Variants in CDH2 observed in about 807,000 individuals in gnomAD.
CDH2 encodes cadherin-2.
In CDH2, 17 loss-of-function variants were observed where a neutral mutation model predicts 92.0. That is an observed-to-expected ratio of 0.18 (90% CI 0.13 to 0.28). The LOEUF is 0.28. Among genes scored for constraint, CDH2 ranks in the 10% least tolerant of loss-of-function variants. The pLI is 1.00. For synonymous variants in CDH2, 419 were observed against 415.9 expected, an observed-to-expected ratio of 1.01 and a Z score of -0.09; for missense variants, 862 against 1,133.1, an observed-to-expected ratio of 0.76 and a Z score of 3.44.
intron 14 of CDH2, among the ~76,000 whole-genome samples, chr18:27,972,266 T>C (rs907553106): frequency 6.6e-6 from 1 of 152,242 alleles, no homozygotes; most frequent in South Asian, 2.1e-4. Context: ...ATTACCCTTA[T>C]GTCTTCTAAA....
At chr18:28,167,346 C>G (rs2144363930) in intron 1 of CDH2, among the ~76,000 whole-genome samples, 1 of 152,102 alleles carries the variant, frequency 6.6e-6, no homozygotes, top group East Asian at 1.9e-4. Flanking sequence ...GGCTTGACAC[C>G]ATAAATGTGC....
intron 15 of CDH2, among the ~76,000 whole-genome samples, chr18:27,958,994 A>T (rs962699238): frequency 6.6e-6 from 1 of 152,140 alleles, no homozygotes; most frequent in Non-Finnish European, 1.5e-5. Flanking sequence ...TTCCTTTGTA[A>T]ATCACTCAGG....
At position 27,981,901 on chromosome 18, in the gene CDH2, TC is replaced by T. The variant is rs377637545; in HGVS notation, c.2349+1042del. Among the ~76,000 whole-genome samples the T allele has an allele frequency of 2.9e-3, 437 of 152,316 alleles. 2 individuals are homozygous for T. The highest frequency in any genetic ancestry group is 9.9e-3 in the African/African-American group (412 of 41,562). ...TTAGCCAGTAGAAATCAGATAACTA[TC>T]AAATGTATCTAAGAATTACCTGTCA... is the stretch of plus-strand genomic sequence containing the variant. On this transcript the variant is annotated intron_variant, in intron 14 of 15. Coordinates refer to ENST00000269141, the MANE Select transcript of CDH2 (RefSeq NM_001792.5).
chr18:28,177,006 C>A lies in CDH2; in HGVS notation c.17G>T (p.Gly6Val). Residue 6 changes from glycine to valine, a missense_variant, in exon 1 of 16, where the codon GGA (glycine) becomes GTA (valine). Gly to Val is a moderately radical substitution (Grantham distance 109). This residue lies in a region of CDH2 where 159 missense variants were observed against 177.2 expected (regional missense o/e 0.90). Transcript: ENST00000269141. ...CAGCGGCAGCAGGGTCCGCAGCGCTCCCGCTATCCGGCACATGGAGGCGGA... is the reference window on the plus strand; with the variant it reads ...CAGCGGCAGCAGGGTCCGCAGCGCTACCGCTATCCGGCACATGGAGGCGGA... MCRIA[G>V]ALRTLLPLLA... 1 of 1,484,416 alleles carries A rather than the reference C, an allele frequency of 6.7e-7. No individual in the cohort carries two copies. Among genetic ancestry groups the A allele is most frequent in the South Asian group, 1.3e-5 (1 of 78,990 alleles). The allele number at this position is 1,484,416 out of a possible 1,614,324, so 92.0% of individuals were successfully genotyped here.
intron 6 of CDH2, among the ~76,000 whole-genome samples, chr18:27,933,950 C>G (rs1908963311): frequency 6.6e-6 from 1 of 152,072 alleles, no homozygotes; most frequent in African/African-American, 2.4e-5. Flanking sequence ...TATTTGAGAT[C>G]CATGTGAACA....
At chr18:28,103,206 T>C (rs1488161271) in intron 2 of CDH2, among the ~76,000 whole-genome samples, 1 of 146,014 alleles carries the variant, frequency 6.8e-6, no homozygotes, top group Non-Finnish European at 1.5e-5. Flanking sequence ...TTTATATATA[T>C]ATAAAGTACA....
chr18:28,123,462 A>C (rs2015625146), intron 2 of CDH2, among the ~76,000 whole-genome samples: 1 of 152,138 alleles, frequency 6.6e-6, no homozygotes, highest in African/African-American at 2.4e-5. Flanking sequence ...GCTAATACTC[A>C]ATTTTCCTTT....
chr18:27,960,385 GT>G (rs2011370045), intron 15 of CDH2, among the ~76,000 whole-genome samples: 1 of 152,212 alleles, frequency 6.6e-6, no homozygotes, highest in Non-Finnish European at 1.5e-5. Context: ...AGAACATCTT[GT>G]AGATGGGCAC....
chr18:28,137,709 A>G (rs559817631), intron 2 of CDH2, among the ~76,000 whole-genome samples: 1 of 152,290 alleles, frequency 6.6e-6, no homozygotes, highest in South Asian at 2.1e-4. Context: ...TCAAGATGAA[A>G]TGGACACTCC....
At chr18:28,146,509 T>C (rs917610732) in intron 2 of CDH2, 1 of 152,022 alleles carries the variant, frequency 6.6e-6, no homozygotes, top group Non-Finnish European at 1.5e-5. Context: ...TAAAATACCA[T>C]GTAATGAGGC....
chr18:27,985,906 G>T, intron 11 of CDH2, 145 bp from the exon 12 acceptor site: 1 of 586,346 alleles, frequency 1.7e-6, no homozygotes, highest in Non-Finnish European at 3.0e-6. Flanking sequence ...CATCTGGGCA[G>T]ACCGTTTCCA....
intron 2 of CDH2, among the ~76,000 whole-genome samples, chr18:28,084,577 A>T (rs935748156): frequency 1.3e-4 from 19 of 146,830 alleles, no homozygotes; most frequent in African/African-American, 2.0e-4. Flanking sequence ...AGTGCAAAAT[A>T]AAAAAAAAAG....
intron 6 of CDH2, among the ~76,000 whole-genome samples, chr18:27,937,841 G>A (rs559408102): frequency 3.9e-4 from 59 of 152,240 alleles, no homozygotes; most frequent in African/African-American, 1.3e-3. Context: ...AAAATCATCC[G>A]CTATGAATGG....
chr18:28,020,921 T>C (rs17445882), intron 2 of CDH2, among the ~76,000 whole-genome samples: 194 of 152,116 alleles, frequency 1.3e-3, no homozygotes, highest in Non-Finnish European at 2.1e-3. Context: ...TATATGAAAC[T>C]CTGTATTTCT....
At chr18:28,123,206 A>G (rs1346365394) in intron 2 of CDH2, among the ~76,000 whole-genome samples, 1 of 152,192 alleles carries the variant, frequency 6.6e-6, no homozygotes, top group Non-Finnish European at 1.5e-5. Context: ...TGAACTAAGC[A>G]TAACAATTCA....
chr18:28,121,029 T>C (rs2015578926), intron 2 of CDH2, among the ~76,000 whole-genome samples: 1 of 152,086 alleles, frequency 6.6e-6, no homozygotes, highest in Admixed American at 6.6e-5. Context: ...CAGAAATCCA[T>C]GGAAACCACA....
At chr18:28,105,001 A>G (rs2015298953) in intron 2 of CDH2, among the ~76,000 whole-genome samples, 1 of 152,096 alleles carries the variant, frequency 6.6e-6, no homozygotes, top group Admixed American at 6.5e-5. Context: ...TGTTTATTGA[A>G]GAAAATTTTC....
intron 14 of CDH2, among the ~76,000 whole-genome samples, chr18:27,971,298 C>T (rs1232989698): frequency 6.8e-6 from 1 of 147,384 alleles, no homozygotes; most frequent in African/African-American, 2.5e-5. Flanking sequence ...AGCATTTTTG[C>T]ATGTCAGTTC....
At position 28,005,928 on chromosome 18, in the gene CDH2, A is replaced by T. The variant is rs878882795; in HGVS notation, c.768T>A (p.Asn256Lys). 6.2e-7 allele frequency: 1 copy of T among 1,612,028 alleles called. No individual in the cohort carries two copies. The highest frequency in any genetic ancestry group is 1.3e-5 in the African/African-American group (1 of 74,900). ...QVENPIDIVI[N>K]VIDMNDNRPE... ...GTCTGTTGTCATTCATGTCAATAAC[A>T]TTGATGACAATGTCAATGGGGTTCT... The change falls in exon 6 of 16, where the codon AAT becomes AAA. Residue 256 changes from asparagine to lysine, a missense_variant. Around this residue, in one of 5 missense-constraint regions of CDH2, gnomAD observed 564 missense variants for 722.2 expected, o/e 0.78. Transcript: ENST00000269141.
Sources: allele counts gnomAD v4.1 joint callset (sites outside exome capture counted in the v4.1 genomes callset), GRCh38; gene constraint gnomAD v4.1.1; regional missense constraint gnomAD v4.1.1; transcripts MANE v1.5; gene names NCBI Gene and HGNC (gene_info 2026-07-23, HGNC 2026-07-21).